ATP2B3: variants seen among roughly 807,000 people sequenced by gnomAD.
The protein encoded by ATP2B3 is ATPase plasma membrane Ca2+ transporting 3, also known as plasma membrane calcium-transporting ATPase 3.
ATP2B3 carries 12 observed loss-of-function variants against 70.8 expected under a neutral mutation model. The ratio of observed to expected loss-of-function variants is 0.17; its 90% CI spans 0.11 to 0.27. The LOEUF (loss-of-function observed/expected upper bound fraction) is 0.27, where lower values mean the gene tolerates loss of function less well. Among genes scored for constraint, ATP2B3 ranks in the 10% least tolerant of loss-of-function variants. ATP2B3 has a pLI of 1.00. For synonymous variants in ATP2B3, 460 were observed against 497.8 expected, an observed-to-expected ratio of 0.92 and a Z score of 1.01; for missense variants, 858 against 1,118.5, an observed-to-expected ratio of 0.77 and a Z score of 3.32.
Position 153,547,834 on chromosome X carries a change from G to C in ATP2B3, c.959-1G>C. 8.4e-7 allele frequency: 1 copy of C among 1,191,964 alleles called. No homozygotes were observed. Among genetic ancestry groups the C allele is most frequent in the Non-Finnish European group, 1.1e-6 (1 of 883,717 alleles). On this transcript the variant is annotated splice_acceptor_variant, in intron 8 of 21. Transcript: ENST00000263519. LOFTEE classifies it high-confidence loss of function. ...TGGCCATGGGGTTCCTCTGTGTGCA[G>C]CTAAGAAGCAGGATGGTGCAGTGGC...
At chrX:153,521,206 C>G (rs2089954613) in intron 2 of ATP2B3, among the ~76,000 whole-genome samples, 1 of 113,365 alleles carries the variant, frequency 8.8e-6, no homozygotes, top group Non-Finnish European at 1.9e-5. Flanking sequence ...CTTCCCCACC[C>G]TGGCTAAGCT....
At chrX:153,537,392 C>T (rs1385935464) in intron 3 of ATP2B3, among the ~76,000 whole-genome samples, 3 of 113,666 alleles carry the variant, frequency 2.6e-5, no homozygotes, top group Non-Finnish European at 5.6e-5. Context: ...CCACCCATCT[C>T]CTCTGCTCCC....
chrX:153,575,863 A>C (rs111989714), intron 21 of ATP2B3, among the ~76,000 whole-genome samples: 3,598 of 110,317 alleles, frequency 0.033, 146 homozygotes, highest in African/African-American at 0.11. Context: ...GGAGTAAAGG[A>C]CTGTGGCCTC....
chrX:153,574,706 C>T, intron 21 of ATP2B3: 1 of 306,575 alleles, frequency 3.3e-6, no homozygotes. Context: ...CTTCTGCGGC[C>T]CTTCTCCACC....
intron 21 of ATP2B3, among the ~76,000 whole-genome samples, chrX:153,566,805 C>G (rs2090714330): frequency 8.9e-6 from 1 of 111,766 alleles, no homozygotes; most frequent in African/African-American, 3.3e-5. Context: ...CCAACTCCCG[C>G]TGCGTCCCCT....
chrX:153,546,987 G>A (rs1322546213), intron 8 of ATP2B3, among the ~76,000 whole-genome samples: 1 of 112,304 alleles, frequency 8.9e-6, no homozygotes, highest in Non-Finnish European at 1.9e-5. Flanking sequence ...CCTTGGGCTG[G>A]CAAGTGAGGA....
At chrX:153,519,051 CTG>C (rs1316260651) in intron 2 of ATP2B3, among the ~76,000 whole-genome samples, 3 of 111,827 alleles carry the variant, frequency 2.7e-5, no homozygotes, top group African/African-American at 9.8e-5. Flanking sequence ...CCACTAGGAT[CTG>C]TGCCCTCACC....
chrX:153,573,766 T>C (rs1385083764), intron 21 of ATP2B3, among the ~76,000 whole-genome samples: 4 of 112,632 alleles, frequency 3.6e-5, no homozygotes, highest in Non-Finnish European at 5.6e-5. Flanking sequence ...GCCTTCCTCC[T>C]GGGTCCTCTT....
intron 2 of ATP2B3, among the ~76,000 whole-genome samples, chrX:153,523,709 TTTC>T (rs782353926): frequency 0.21 from 11,049 of 52,818 alleles, 1,126 homozygotes; most frequent in East Asian, 0.42. Context: ...TTTTTTTTTT[TTTC>T]CCTGAGACAG....
chrX:153,538,063 CG>C (rs2124390273), intron 3 of ATP2B3, among the ~76,000 whole-genome samples: 1 of 112,893 alleles, frequency 8.9e-6, no homozygotes, highest in African/African-American at 3.2e-5. Flanking sequence ...AGCAGAGGAC[CG>C]GCCCCTCCCC....
chrX:153,565,830 C>T (rs2090698718), intron 21 of ATP2B3, among the ~76,000 whole-genome samples: 1 of 112,724 alleles, frequency 8.9e-6, no homozygotes, highest in Non-Finnish European at 1.9e-5. Flanking sequence ...TGGCCTCTGC[C>T]CACCACTCCC....
chrX:153,554,723 G>A lies in ATP2B3; in HGVS notation c.2059-1326G>A, dbSNP rs2090509206. Reference sequence around the variant, plus strand: ...GGCCCTGGGGAGCCATAGGAAGCCTGTGGCTGGGGTGGTATTGATGCTGGA... The same window carrying A: ...GGCCCTGGGGAGCCATAGGAAGCCTATGGCTGGGGTGGTATTGATGCTGGA... On this transcript the variant is annotated intron_variant, in intron 13 of 21. Transcript: ENST00000263519. Among the ~76,000 whole-genome samples, 3 of 113,071 alleles carry A rather than the reference G, an allele frequency of 2.7e-5. No homozygotes were observed. The Admixed American group carries it at 2.8e-4, about 10-fold the overall frequency.
rs1315485673 is a variant in ATP2B3 at position 153,525,712 on chromosome X, G to A, written c.-127+7161G>A. Among the ~76,000 whole-genome samples, 4 of 112,539 alleles carry A rather than the reference G, an allele frequency of 3.6e-5. No individual in the cohort carries two copies. In the Admixed American group the frequency reaches 3.7e-4, roughly 10 times the overall value. On this transcript the variant is annotated intron_variant, in intron 2 of 21. Coordinates refer to ENST00000263519, the MANE Select transcript of ATP2B3 (RefSeq NM_001001344.3). The stretch of plus-strand genomic sequence containing the variant: ...AGCAGATGGTCCCACGTCTGGTGCA[G>A]GAGAAGAGGGAGGGCTGTGGACGGG...
intron 20 of ATP2B3, among the ~76,000 whole-genome samples, chrX:153,563,136 CTTTTTTTTTT>C (rs36131654): frequency 1.0e-4 from 5 of 48,795 alleles, no homozygotes; most frequent in Non-Finnish European, 1.0e-4. Flanking sequence ...CTGGCTTTTC[CTTTTTTTTTT>C]TTTTTTTTTT....
chrX:153,577,495 C>T (rs2090872392), intron 21 of ATP2B3, among the ~76,000 whole-genome samples: 1 of 112,600 alleles, frequency 8.9e-6, no homozygotes, highest in African/African-American at 3.2e-5. Context: ...ATGTCCCAGG[C>T]GGCTTCCACA....
intron 2 of ATP2B3, among the ~76,000 whole-genome samples, chrX:153,522,509 TG>T (rs1441001038): frequency 9.0e-6 from 1 of 111,556 alleles, no homozygotes; most frequent in African/African-American, 3.3e-5. Context: ...GGCTACCATA[TG>T]GGACAGTGCA....
At chrX:153,540,425 C>T (rs1326277000) in intron 3 of ATP2B3, among the ~76,000 whole-genome samples, 1 of 112,430 alleles carries the variant, frequency 8.9e-6, no homozygotes, top group African/African-American at 3.2e-5. Context: ...TGACACCGTT[C>T]TTCTTCTTTG....
chrX:153,546,275 G>A, intron 8 of ATP2B3, 146 bp downstream of exon 8: 5 of 725,193 alleles, frequency 6.9e-6, no homozygotes, highest in South Asian at 5.0e-5. Context: ...GCACAGTCCC[G>A]TCCCAGTGCA....
chrX:153,531,333 C>T (rs951926266), intron 2 of ATP2B3, among the ~76,000 whole-genome samples: 1 of 113,316 alleles, frequency 8.8e-6, no homozygotes, highest in Non-Finnish European at 1.9e-5. Flanking sequence ...CCACACCTCT[C>T]GCTGTTGCCT....
Sources: allele counts gnomAD v4.1 joint callset (sites outside exome capture counted in the v4.1 genomes callset), GRCh38; gene constraint gnomAD v4.1.1; transcripts MANE v1.5; gene names NCBI Gene and HGNC (gene_info 2026-07-23, HGNC 2026-07-21).